Variants in NCKAP1 observed in about 807,000 individuals in gnomAD.
NCKAP1 encodes the protein nck-associated protein 1.
In NCKAP1, 21 loss-of-function variants were observed where a neutral mutation model predicts 151.2. That is an observed-to-expected ratio of 0.14 (90% CI 0.10 to 0.20). The LOEUF (loss-of-function observed/expected upper bound fraction) is 0.20, where lower values mean the gene tolerates loss of function less well. Ranked by LOEUF, NCKAP1 falls within the 10% of genes least tolerant of loss-of-function variation. NCKAP1 has a pLI of 1.00. For synonymous variants in NCKAP1, 484 were observed against 451.8 expected, an observed-to-expected ratio of 1.07 and a Z score of -0.90; for missense variants, 933 against 1,352.1, an observed-to-expected ratio of 0.69 and a Z score of 4.86.
intron 23 of NCKAP1, among the ~76,000 whole-genome samples, chr2:182,950,227 T>A (rs919717371): frequency 6.6e-6 from 1 of 152,144 alleles, no homozygotes; most frequent in Non-Finnish European, 1.5e-5. Flanking sequence ...ATAAATGAAT[T>A]CAGAGAGACT....
chr2:183,003,040 AAT>A lies in NCKAP1; in HGVS notation c.313-12_313-11del. The A allele has an allele frequency of 1.9e-6, 3 of 1,601,114 alleles. No individual in the cohort carries two copies. The highest frequency in any genetic ancestry group is 1.7e-4 in the Middle Eastern group (1 of 5,906). On this transcript the variant is annotated splice_polypyrimidine_tract_variant and intron_variant, in intron 3 of 30. Coordinates refer to ENST00000361354, the MANE Select transcript of NCKAP1 (RefSeq NM_013436.5). ...ATTCACAAACATGGTCCTGAAAAGA[AAT>A]ACTTATTTTAATCTTTTATCTGTAT...
intron 17 of NCKAP1, 109 bp downstream of exon 17, chr2:182,964,567 C>T (rs1478941732): frequency 1.6e-5 from 14 of 861,904 alleles, no homozygotes; most frequent in Admixed American, 6.6e-5. Context: ...GAGATGTATT[C>T]GATGGGAAGC....
At chr2:182,986,292 C>A in intron 9 of NCKAP1, 65 bp from the exon 10 acceptor site, 1 of 1,271,118 alleles carries the variant, frequency 7.9e-7, no homozygotes, top group Middle Eastern at 1.9e-4. Context: ...ATGAGTAAGT[C>A]TAATACTAGA....
At chr2:182,981,468 T>G (rs761662539) in intron 12 of NCKAP1, 92 bp from the exon 13 acceptor site, 63 of 1,028,284 alleles carry the variant, frequency 6.1e-5, no homozygotes, top group Non-Finnish European at 8.7e-5. Flanking sequence ...TCTAAAAGTA[T>G]TTTTCTTATA....
At chr2:183,014,039 C>A (rs1271369077) in intron 2 of NCKAP1, among the ~76,000 whole-genome samples, 2 of 152,108 alleles carry the variant, frequency 1.3e-5, no homozygotes, top group Non-Finnish European at 2.9e-5. Context: ...ATGCTTTTAC[C>A]CTGCTTTGTT....
At chr2:182,960,568 T>A (rs1467330540) in intron 18 of NCKAP1, among the ~76,000 whole-genome samples, 1 of 152,174 alleles carries the variant, frequency 6.6e-6, no homozygotes, top group African/African-American at 2.4e-5. Context: ...TTACACCTTA[T>A]ACAAAAGTTA....
chr2:182,916,943 C>T lies in NCKAP1; in HGVS notation c.*8759G>A. On this transcript the variant is annotated 3_prime_UTR_variant, in exon 31 of 31. Transcript: ENST00000361354. ...GACTAACACACAAATGTTACATTTG[C>T]ATGAGTGGAAGTTCTGATATTATAA... 1 of 152,068 alleles carries T rather than the reference C, an allele frequency of 6.6e-6. No individual in the cohort carries two copies. Among genetic ancestry groups the T allele is most frequent in the East Asian group, 1.9e-4 (1 of 5,198 alleles). The allele number at this position is 152,068 out of a possible 1,614,324, so 9.4% of individuals were successfully genotyped here.
Position 182,910,223 on chromosome 2 carries a change from C to T in NCKAP1, c.*15479G>A, listed in dbSNP as rs371858148. On this transcript the variant is annotated 3_prime_UTR_variant, in exon 31 of 31. Coordinates refer to ENST00000361354, the MANE Select transcript of NCKAP1 (RefSeq NM_013436.5). ...ACTAAACTCTACATCATTTTGGAGTCCAAGTAAACCTGCTGTGGGACAACC... is the reference window on the plus strand; with the variant it reads ...ACTAAACTCTACATCATTTTGGAGTTCAAGTAAACCTGCTGTGGGACAACC... The T allele has an allele frequency of 2.6e-5, 4 of 152,238 alleles. No homozygotes were observed. The highest frequency in any genetic ancestry group is 3.9e-4 in the East Asian group (2 of 5,188). 9.4% of individuals were successfully genotyped at this position (152,238 alleles called of 1,614,324 possible). A position where few individuals can be genotyped will look rare whatever the true frequency, so the allele number is the denominator to read the frequency against.
rs892817169 is a variant in NCKAP1 at position 182,912,679 on chromosome 2, A to T, written c.*13023T>A. ...AATAAAAATGGAATTTGAATGTTAG[A>T]GTGCAACCTGACAAAATGATTTATT... On this transcript the variant is annotated 3_prime_UTR_variant, in exon 31 of 31. Transcript: ENST00000361354. 1 of 152,244 alleles carries T rather than the reference A, an allele frequency of 6.6e-6. No homozygotes were observed. The highest frequency in any genetic ancestry group is 1.5e-5 in the Non-Finnish European group (1 of 68,040). 9.4% of individuals were successfully genotyped at this position (152,244 alleles called of 1,614,324 possible). A position where few individuals can be genotyped will look rare whatever the true frequency, so the allele number is the denominator to read the frequency against.
chr2:182,915,333 A>T lies in NCKAP1; in HGVS notation c.*10369T>A, dbSNP rs1217612887. 1 of 151,964 alleles carries T rather than the reference A, an allele frequency of 6.6e-6. No homozygotes were observed. The allele number at this position is 151,964 out of a possible 1,614,324, so 9.4% of individuals were successfully genotyped here. A position where few individuals can be genotyped will look rare whatever the true frequency, so the allele number is the denominator to read the frequency against. The stretch of plus-strand genomic sequence containing the variant: ...TATGGTTCACAGCTGAAGAGAGAAT[A>T]GTTGAGAGTTGAGTGATCTATCCTT... On this transcript the variant is annotated 3_prime_UTR_variant, in exon 31 of 31. Transcript: ENST00000361354.
chr2:182,932,559 A>G (rs6726085), intron 26 of NCKAP1, among the ~76,000 whole-genome samples: 25,448 of 152,146 alleles, frequency 0.17, 4,180 homozygotes, highest in African/African-American at 0.43. Context: ...CAACTCTGTC[A>G]CTACACTAAA....
intron 1 of NCKAP1, among the ~76,000 whole-genome samples, chr2:183,030,051 T>G (rs1698976994): frequency 6.6e-6 from 1 of 152,178 alleles, no homozygotes. Flanking sequence ...GAGAAATTCA[T>G]ACCTGATTCC....
intron 2 of NCKAP1, among the ~76,000 whole-genome samples, chr2:183,008,891 A>G (rs1698533168): frequency 6.6e-6 from 1 of 152,212 alleles, no homozygotes; most frequent in Non-Finnish European, 1.5e-5. Context: ...ATCAAATATA[A>G]GCAAATCTCT....
intron 23 of NCKAP1, among the ~76,000 whole-genome samples, chr2:182,950,382 C>G: frequency 6.6e-6 from 1 of 151,988 alleles, no homozygotes; most frequent in South Asian, 2.1e-4. Context: ...AGTAAAATTT[C>G]AGAGCCATAA....
intron 25 of NCKAP1, 58 bp downstream of exon 25, chr2:182,935,235 C>A: frequency 8.3e-7 from 1 of 1,206,836 alleles, no homozygotes; most frequent in African/African-American, 1.6e-5. Flanking sequence ...CTTTAAATTT[C>A]TGAGAAATTA....
At chr2:182,984,077 C>G (rs1478190223) in intron 10 of NCKAP1, among the ~76,000 whole-genome samples, 1 of 150,320 alleles carries the variant, frequency 6.7e-6, no homozygotes, top group Non-Finnish European at 1.5e-5. Flanking sequence ...TAACTGTATA[C>G]ATTTTTGTCA....
chr2:182,962,661 A>G (rs1249657970), intron 17 of NCKAP1, among the ~76,000 whole-genome samples: 1 of 152,160 alleles, frequency 6.6e-6, no homozygotes, highest in Non-Finnish European at 1.5e-5. Flanking sequence ...ATCTTATTTC[A>G]TTTAAAATCT....
At chr2:182,999,133 A>G (rs80344356) in intron 6 of NCKAP1, among the ~76,000 whole-genome samples, 83 of 152,274 alleles carry the variant, frequency 5.5e-4, no homozygotes, top group African/African-American at 1.9e-3. Context: ...CATTTTTCAT[A>G]TAATTAGAAA....
intron 1 of NCKAP1, among the ~76,000 whole-genome samples, chr2:183,025,472 A>G (rs940733386): frequency 6.6e-5 from 10 of 152,174 alleles, no homozygotes; most frequent in Non-Finnish European, 1.3e-4. Flanking sequence ...ATAAAAATCA[A>G]TGTTAACATT....
Sources: allele counts gnomAD v4.1 joint callset (sites outside exome capture counted in the v4.1 genomes callset), GRCh38; gene constraint gnomAD v4.1.1; transcripts MANE v1.5; gene names NCBI Gene and HGNC (gene_info 2026-07-23, HGNC 2026-07-21).